Variants in RAP1GDS1 observed in about 807,000 individuals in gnomAD.
RAP1GDS1 encodes RAP1, GTP-GDP dissociation stimulator 1.
In RAP1GDS1, 35 loss-of-function variants were observed where a neutral mutation model predicts 71.1. The observed-to-expected ratio is 0.49, with a 90% CI of 0.38 to 0.65. The LOEUF (loss-of-function observed/expected upper bound fraction) is 0.65, where lower values mean the gene tolerates loss of function less well. Among genes scored for constraint, RAP1GDS1 ranks in the 30% least tolerant of loss-of-function variants. The pLI, the probability that RAP1GDS1 is intolerant of heterozygous loss-of-function variation, is 0.00. For synonymous variants in RAP1GDS1, 229 were observed against 243.1 expected (o/e 0.94, Z 0.54); for missense variants, 663 against 706.1 (o/e 0.94, Z 0.69).
At chr4:98,346,803 C>G (rs1054855662) in intron 3 of RAP1GDS1, among the ~76,000 whole-genome samples, 1 of 152,164 alleles carries the variant, frequency 6.6e-6, no homozygotes, top group Non-Finnish European at 1.5e-5. Flanking sequence ...CTTGGTCTCC[C>G]AAAGTGCTGG....
intron 5 of RAP1GDS1, among the ~76,000 whole-genome samples, chr4:98,389,218 A>G (rs910527943): frequency 1.3e-5 from 2 of 152,124 alleles, no homozygotes; most frequent in Non-Finnish European, 2.9e-5. Flanking sequence ...TTCCAGGGAC[A>G]CTTTTTGAGA....
intron 1 of RAP1GDS1, among the ~76,000 whole-genome samples, chr4:98,287,437 T>C (rs1442544965): frequency 6.6e-6 from 1 of 152,168 alleles, no homozygotes; most frequent in African/African-American, 2.4e-5. Flanking sequence ...TAATGAATTA[T>C]AATTAACCTG....
At chr4:98,277,857 A>G (rs1724460969) in intron 1 of RAP1GDS1, among the ~76,000 whole-genome samples, 2 of 152,222 alleles carry the variant, frequency 1.3e-5, no homozygotes, top group South Asian at 4.1e-4. Flanking sequence ...TGGGCCAAAT[A>G]TACCATGTAG....
intron 2 of RAP1GDS1, among the ~76,000 whole-genome samples, chr4:98,328,337 G>A (rs757350648): frequency 1.7e-4 from 26 of 152,186 alleles, no homozygotes; most frequent in Admixed American, 3.9e-4. Flanking sequence ...ATTGAGGTGC[G>A]TAAGAGTCTT....
At chr4:98,350,104 A>G (rs1482768928) in intron 3 of RAP1GDS1, among the ~76,000 whole-genome samples, 2 of 152,166 alleles carry the variant, frequency 1.3e-5, no homozygotes, top group Non-Finnish European at 2.9e-5. Flanking sequence ...TTTACCCTCT[A>G]TTATTCCAAG....
chr4:98,316,416 G>C (rs1730950289), intron 2 of RAP1GDS1, among the ~76,000 whole-genome samples: 1 of 152,154 alleles, frequency 6.6e-6, no homozygotes, highest in Admixed American at 6.5e-5. Context: ...GATAGGCCTT[G>C]GGTGTCATAT....
At chr4:98,264,196 G>A (rs1208263250) in intron 1 of RAP1GDS1, among the ~76,000 whole-genome samples, 1 of 152,130 alleles carries the variant, frequency 6.6e-6, no homozygotes, top group Non-Finnish European at 1.5e-5. Context: ...TTGGAGACCA[G>A]CCTGACTAAC....
intron 6 of RAP1GDS1, among the ~76,000 whole-genome samples, chr4:98,394,849 C>T (rs961316412): frequency 2.0e-5 from 3 of 152,024 alleles, no homozygotes; most frequent in Admixed American, 6.6e-5. Context: ...TGCATAAACC[C>T]AGATTCCAAA....
At chr4:98,417,300 A>G (rs1748175016) in intron 8 of RAP1GDS1, 67 bp from the exon 9 acceptor site, 5 of 1,471,876 alleles carry the variant, frequency 3.4e-6, no homozygotes, top group Non-Finnish European at 4.7e-6. Context: ...ATATTCACCT[A>G]AGAATGTGAA....
intron 3 of RAP1GDS1, among the ~76,000 whole-genome samples, chr4:98,351,210 AGTT>A (rs1257101779): frequency 6.6e-6 from 1 of 152,206 alleles, no homozygotes; most frequent in Non-Finnish European, 1.5e-5. Context: ...CTCAAAGGTT[AGTT>A]GTTGAGATAG....
chr4:98,334,195 T>A (rs1038394247), intron 2 of RAP1GDS1, among the ~76,000 whole-genome samples: 3 of 152,104 alleles, frequency 2.0e-5, no homozygotes, highest in Admixed American at 6.5e-5. Context: ...GATTTTACTA[T>A]GTAGACATAA....
intron 12 of RAP1GDS1, among the ~76,000 whole-genome samples, chr4:98,424,516 C>G (rs564223081): frequency 6.6e-6 from 1 of 152,316 alleles, no homozygotes; most frequent in African/African-American, 2.4e-5. Context: ...AATCCCAGTA[C>G]TTTGGGAGGC....
intron 12 of RAP1GDS1, among the ~76,000 whole-genome samples, chr4:98,425,784 C>T (rs1749523684): frequency 6.6e-6 from 1 of 152,008 alleles, no homozygotes. Flanking sequence ...TGGGAGACTT[C>T]AATACTCCAC....
chr4:98,357,782 A>G (rs1738167510), intron 4 of RAP1GDS1, among the ~76,000 whole-genome samples: 3 of 152,048 alleles, frequency 2.0e-5, no homozygotes, highest in African/African-American at 7.2e-5. Flanking sequence ...TATAACCCCT[A>G]GAAAGTTGGT....
intron 1 of RAP1GDS1, among the ~76,000 whole-genome samples, chr4:98,267,286 G>A (rs74993814): frequency 5.3e-4 from 80 of 152,186 alleles, no homozygotes; most frequent in Non-Finnish European, 1.0e-3. Context: ...AGTTTGAGGA[G>A]GATTGGTATT....
chr4:98,334,463 A>G (rs404577), intron 2 of RAP1GDS1, among the ~76,000 whole-genome samples: 143,092 of 152,282 alleles, frequency 0.94, 67,367 homozygotes, highest in East Asian at 1. Context: ...TAACAAGTCT[A>G]TCTTTTGTTT....
intron 2 of RAP1GDS1, among the ~76,000 whole-genome samples, chr4:98,328,717 C>T (rs1733513114): frequency 6.6e-6 from 1 of 152,132 alleles, no homozygotes; most frequent in South Asian, 2.1e-4. Context: ...GAGTCTCTCT[C>T]TGTTGCCCAG....
At chr4:98,325,062 A>T (rs1483205304) in intron 2 of RAP1GDS1, among the ~76,000 whole-genome samples, 3 of 151,444 alleles carry the variant, frequency 2.0e-5, no homozygotes, top group Non-Finnish European at 2.9e-5. Context: ...AATGAACTCA[A>T]ACAAATTTAC....
chr4:98,404,818 A>G (rs1745897292), intron 7 of RAP1GDS1, among the ~76,000 whole-genome samples: 1 of 152,202 alleles, frequency 6.6e-6, no homozygotes, highest in Non-Finnish European at 1.5e-5. Context: ...TTAAAATCTT[A>G]GAAAAGATAC....
Sources: allele counts gnomAD v4.1 joint callset (sites outside exome capture counted in the v4.1 genomes callset), GRCh38; gene constraint gnomAD v4.1.1; transcripts MANE v1.5; gene names NCBI Gene and HGNC (gene_info 2026-07-23, HGNC 2026-07-21).